The following TACR1 variants were observed in gnomAD, a reference collection of about 807,000 sequenced individuals.
TACR1 encodes the protein tachykinin receptor 1.
Under a neutral mutation model 35.8 loss-of-function variants are expected in TACR1, and 25 were observed. That is an observed-to-expected ratio of 0.70 (90% CI 0.51 to 0.98). The LOEUF (loss-of-function observed/expected upper bound fraction) is 0.98, where lower values mean the gene tolerates loss of function less well. Ranked by LOEUF, TACR1 falls within the 50% of genes least tolerant of loss-of-function variation. The pLI, the probability that TACR1 is intolerant of heterozygous loss-of-function variation, is 0.00. For synonymous variants in TACR1, 195 were observed against 206.7 expected (o/e 0.94, Z 0.48); for missense variants, 478 against 522.9 (o/e 0.91, Z 0.84).
At chr2:75,194,896 T>C (rs545586498) in intron 1 of TACR1, among the ~76,000 whole-genome samples, 3 of 152,314 alleles carry the variant, frequency 2.0e-5, no homozygotes, top group Non-Finnish European at 4.4e-5. Flanking sequence ...AATCAGGTTA[T>C]CTGTTGCCCA....
intron 3 of TACR1, among the ~76,000 whole-genome samples, chr2:75,052,833 C>T (rs536488233): frequency 6.6e-5 from 10 of 151,812 alleles, no homozygotes; most frequent in Admixed American, 6.6e-4. Flanking sequence ...GAGAGGCTTT[C>T]CATGATAAGA....
At chr2:75,159,650 C>A (rs3771843) in intron 1 of TACR1, among the ~76,000 whole-genome samples, 84,190 of 151,908 alleles carry the variant, frequency 0.55, 23,518 homozygotes, top group Non-Finnish European at 0.57. Flanking sequence ...GGAAAGCTAG[C>A]CCCAATTTGA....
At chr2:75,075,272 G>C (rs2103822648) in intron 2 of TACR1, among the ~76,000 whole-genome samples, 1 of 152,326 alleles carries the variant, frequency 6.6e-6, no homozygotes, top group Non-Finnish European at 1.5e-5. Flanking sequence ...ACAATACCAG[G>C]TGTTGGTATG....
At chr2:75,139,733 G>A (rs1317001999) in intron 1 of TACR1, among the ~76,000 whole-genome samples, 1 of 152,166 alleles carries the variant, frequency 6.6e-6, no homozygotes, top group East Asian at 1.9e-4. Context: ...TGAAGATAAG[G>A]GATTTGAGAG....
intron 1 of TACR1, among the ~76,000 whole-genome samples, chr2:75,156,602 CAA>C (rs58048867): frequency 0.33 from 35,930 of 107,982 alleles, 4,473 homozygotes; most frequent in African/African-American, 0.4. Context: ...GACTCCGTCT[CAA>C]AAAAAAAAAA....
At chr2:75,070,640 G>T (rs1232528279) in intron 2 of TACR1, among the ~76,000 whole-genome samples, 1 of 152,206 alleles carries the variant, frequency 6.6e-6, no homozygotes, top group Non-Finnish European at 1.5e-5. Context: ...TCTCCTGTGT[G>T]TCTCTGGGTA....
intron 1 of TACR1, among the ~76,000 whole-genome samples, chr2:75,137,708 G>A (rs142672637): frequency 0.029 from 3,300 of 113,392 alleles, 130 homozygotes; most frequent in African/African-American, 0.1. Context: ...CAGCCTGGGC[G>A]ACAGAGAGAG....
At chr2:75,183,601 G>C (rs1425444138) in intron 1 of TACR1, among the ~76,000 whole-genome samples, 1 of 152,166 alleles carries the variant, frequency 6.6e-6, no homozygotes, top group Non-Finnish European at 1.5e-5. Context: ...GAAAAAGATG[G>C]AGTACCGAAG....
chr2:75,082,323 A>T (rs1362469741), intron 2 of TACR1, among the ~76,000 whole-genome samples: 2 of 152,034 alleles, frequency 1.3e-5, no homozygotes, highest in South Asian at 2.1e-4. Context: ...TCTATCATTT[A>T]TGGACATTTG....
In TACR1 at chr2:75,048,878, G is replaced by T. The variant is rs1558535357; in HGVS notation, c.*554C>A. ...TATAAATGTACTGAAATACTGAGAT[G>T]CCAAAAAGGGGAATACATATGTTTC... On this transcript the variant is annotated 3_prime_UTR_variant, in exon 5 of 5. Coordinates refer to ENST00000305249, the MANE Select transcript of TACR1 (RefSeq NM_001058.4). 6.5e-6 allele frequency: 1 copy of T among 153,350 alleles called. No individual in the cohort carries two copies. The highest frequency in any genetic ancestry group is 2.1e-4 in the South Asian group (1 of 4,852). 9.5% of individuals were successfully genotyped at this position (153,350 alleles called of 1,614,324 possible). A position where few individuals can be genotyped will look rare whatever the true frequency, so the allele number is the denominator to read the frequency against.
chr2:75,069,812 C>T (rs1672839665), intron 2 of TACR1, among the ~76,000 whole-genome samples: 2 of 152,128 alleles, frequency 1.3e-5, no homozygotes, highest in Non-Finnish European at 2.9e-5. Flanking sequence ...CACATCATAT[C>T]AAGGGTACAT....
intron 1 of TACR1, among the ~76,000 whole-genome samples, chr2:75,164,621 A>C (rs1281067833): frequency 1.3e-5 from 2 of 152,134 alleles, no homozygotes; most frequent in African/African-American, 4.8e-5. Flanking sequence ...TTTGAAAGGT[A>C]AACTTAAAAA....
At chr2:75,128,010 C>G (rs184245574) in intron 1 of TACR1, among the ~76,000 whole-genome samples, 14 of 152,318 alleles carry the variant, frequency 9.2e-5, no homozygotes, top group African/African-American at 3.4e-4. Flanking sequence ...AATCTGTGCT[C>G]CTGTTCTATC....
rs766455987 is a variant in TACR1, at chr2:75,154,410, GCACACA to G, written c.390-33648_390-33643del. The G allele has an allele frequency of 1.9e-3, 144 of 75,412 alleles. 12 individuals carry two copies. Among genetic ancestry groups the G allele is most frequent in the African/African-American group, 6.1e-3 (124 of 20,470 alleles). The allele number at this position is 75,412 out of a possible 1,614,324, so 4.7% of individuals were successfully genotyped here. A position where few individuals can be genotyped will look rare whatever the true frequency, so the allele number is the denominator to read the frequency against. On this transcript the variant is annotated intron_variant, in intron 1 of 4. Transcript: ENST00000305249. ...GAGATAATCAGCCAAGAGCGCGCAC[GCACACA>G]CACACACACACACACACACACACAC...
In TACR1 at chr2:75,111,152, G is replaced by A. The variant is rs567787126; in HGVS notation, c.584+9422C>T. ...TTGTCACGTGCAGAAGTTCTTCATG[G>A]AGTTTCCTGATATATAGAATTTAAC... On this transcript the variant is annotated intron_variant, in intron 2 of 4. Coordinates refer to ENST00000305249, the MANE Select transcript of TACR1 (RefSeq NM_001058.4). 2.0e-5 allele frequency among the ~76,000 whole-genome samples: 3 copies of A among 151,850 alleles called. No homozygotes were observed. The East Asian group carries it at 5.8e-4, about 29-fold the overall frequency.
At chr2:75,115,836 G>A (rs559184999) in intron 2 of TACR1, among the ~76,000 whole-genome samples, 3 of 150,372 alleles carry the variant, frequency 2.0e-5, no homozygotes, top group Admixed American at 2.0e-4. Context: ...GAACCTGGGA[G>A]GCGGAGCTTG....
At chr2:75,193,866 A>C (rs570295894) in intron 1 of TACR1, among the ~76,000 whole-genome samples, 1 of 152,240 alleles carries the variant, frequency 6.6e-6, no homozygotes, top group South Asian at 2.1e-4. Flanking sequence ...ATTTGCCTTC[A>C]TATATAGCCC....
intron 1 of TACR1, among the ~76,000 whole-genome samples, chr2:75,169,007 T>A (rs1321833323): frequency 6.6e-6 from 1 of 152,222 alleles, no homozygotes; most frequent in Non-Finnish European, 1.5e-5. Flanking sequence ...TTTCTCTAAT[T>A]ATTAAATCAG....
At chr2:75,067,291 T>C (rs879478748) in intron 2 of TACR1, among the ~76,000 whole-genome samples, 4 of 152,204 alleles carry the variant, frequency 2.6e-5, no homozygotes, top group Admixed American at 2.6e-4. Flanking sequence ...AAAGGCTTCA[T>C]ATATATTGTT....
Sources: allele counts gnomAD v4.1 joint callset (sites outside exome capture counted in the v4.1 genomes callset), GRCh38; gene constraint gnomAD v4.1.1; transcripts MANE v1.5; gene names NCBI Gene and HGNC (gene_info 2026-07-23, HGNC 2026-07-21).